SCG3: variants seen among roughly 807,000 people sequenced by gnomAD.
The protein encoded by SCG3 is secretogranin III.
In SCG3, 38 loss-of-function variants were observed where a neutral mutation model predicts 56.2. That is an observed-to-expected ratio of 0.68 (90% CI 0.52 to 0.89). The LOEUF is 0.89. Among genes scored for constraint, SCG3 ranks in the 40% least tolerant of loss-of-function variants. The probability of loss-of-function intolerance (pLI) is 0.00; values close to 1 mark genes in which losing one functional copy is unlikely to be tolerated. For missense variants in SCG3, 524 were observed against 540.7 expected, an observed-to-expected ratio of 0.97 and a Z score of 0.31; for synonymous variants, 176 against 184.2, an observed-to-expected ratio of 0.96 and a Z score of 0.36.
intron 10 of SCG3, among the ~76,000 whole-genome samples, chr15:51,703,623 C>T (rs1248958548): frequency 1.3e-5 from 2 of 152,176 alleles, no homozygotes; most frequent in Non-Finnish European, 2.9e-5. Flanking sequence ...GAAGTCAATT[C>T]TCCTTCAAGG....
At chr15:51,706,084 G>C (rs746616697) in intron 10 of SCG3, among the ~76,000 whole-genome samples, 1 of 152,156 alleles carries the variant, frequency 6.6e-6, no homozygotes, top group Non-Finnish European at 1.5e-5. Flanking sequence ...CTTTGTGTTC[G>C]CAGTTGTTTC....
chr15:51,711,232 A>C (rs908321438), intron 10 of SCG3, among the ~76,000 whole-genome samples: 1 of 152,226 alleles, frequency 6.6e-6, no homozygotes, highest in African/African-American at 2.4e-5. Flanking sequence ...GAGAGTGGGT[A>C]ATGTTTGCCC....
At position 51,720,826 on chromosome 15, in the gene SCG3, T is replaced by G. The variant is rs141926669; in HGVS notation, c.*1300T>G. 7,426 of 181,818 alleles carry G rather than the reference T, an allele frequency of 0.041. 191 individuals carry two copies. Among genetic ancestry groups the G allele is most frequent in the African/African-American group, 0.051 (2,134 of 41,836 alleles). 11.3% of individuals were successfully genotyped at this position (181,818 alleles called of 1,614,324 possible). On this transcript the variant is annotated 3_prime_UTR_variant, in exon 12 of 12. Coordinates refer to ENST00000220478, the MANE Select transcript of SCG3 (RefSeq NM_013243.4). ...ATCAGCACTCTGTAAAATGCACCAATCAGCAGGATTCTAAAAGTAGACAAT... is the reference window on the plus strand; with the variant it reads ...ATCAGCACTCTGTAAAATGCACCAAGCAGCAGGATTCTAAAAGTAGACAAT...
intron 11 of SCG3, among the ~76,000 whole-genome samples, chr15:51,718,697 AT>A (rs1293388992): frequency 6.6e-6 from 1 of 152,108 alleles, no homozygotes; most frequent in African/African-American, 2.4e-5. Context: ...GGAAATCTTT[AT>A]TTTTGGTGGG....
chr15:51,716,373 C>G (rs2055455939), intron 11 of SCG3, among the ~76,000 whole-genome samples: 1 of 152,208 alleles, frequency 6.6e-6, no homozygotes, highest in Non-Finnish European at 1.5e-5. Context: ...GCTTCGTTCT[C>G]TACTTCGTGC....
chr15:51,719,334 A>T, intron 11 of SCG3, 74 bp from the exon 12 acceptor site: 2 of 964,906 alleles, frequency 2.1e-6, no homozygotes, highest in South Asian at 1.4e-5. Flanking sequence ...AATGCTTCTC[A>T]GTTAATGGTA....
At chr15:51,694,160 A>G (rs949230563) in intron 7 of SCG3, among the ~76,000 whole-genome samples, 8 of 152,138 alleles carry the variant, frequency 5.3e-5, no homozygotes, top group African/African-American at 1.9e-4. Flanking sequence ...TTAAATATTT[A>G]TACTGAGTTC....
intron 8 of SCG3, among the ~76,000 whole-genome samples, chr15:51,698,210 A>G (rs1234818990): frequency 1.3e-5 from 2 of 152,258 alleles, no homozygotes; most frequent in Non-Finnish European, 2.9e-5. Context: ...CTTACAAACT[A>G]ACTGCAAAGA....
intron 10 of SCG3, among the ~76,000 whole-genome samples, chr15:51,704,895 C>T (rs2055365286): frequency 1.3e-5 from 2 of 150,188 alleles, no homozygotes; most frequent in African/African-American, 4.9e-5. Context: ...TTTTGAGGAA[C>T]CACCATACTG....
chr15:51,683,368 A>T lies in SCG3; in HGVS notation c.331A>T (p.Thr111Ser). The change falls in exon 4 of 12, where the codon ACC (threonine) becomes TCC (serine). Residue 111 changes from threonine (T) to serine (S), a missense_variant. Thr to Ser is a moderately conservative substitution (Grantham distance 58). Coordinates refer to ENST00000220478, the MANE Select transcript of SCG3 (RefSeq NM_013243.4). ...GTTGAATGTGGAAGATGTTGATTCA[A>T]CCAAGAATCGAAAACTGATCGATGA... is the stretch of plus-strand genomic sequence containing the variant. Reference protein sequence around the residue: ...NKLNVEDVDSTKNRKLIDDYD... With the variant: ...NKLNVEDVDSSKNRKLIDDYD... The T allele has an allele frequency of 6.2e-7, 1 of 1,613,860 alleles. No homozygotes were observed. Among genetic ancestry groups the T allele is most frequent in the Non-Finnish European group, 8.5e-7 (1 of 1,179,800 alleles).
At chr15:51,716,250 T>A (rs757715897) in intron 11 of SCG3, among the ~76,000 whole-genome samples, 2 of 152,230 alleles carry the variant, frequency 1.3e-5, no homozygotes, top group Non-Finnish European at 2.9e-5. Flanking sequence ...CAGCCTATTC[T>A]GCAGAGGCAG....
At chr15:51,688,491 G>A in intron 5 of SCG3, 89 bp downstream of exon 5, 1 of 1,194,772 alleles carries the variant, frequency 8.4e-7, no homozygotes, top group Non-Finnish European at 1.2e-6. Context: ...GTAGCCAAGT[G>A]TTTATAATGT....
intron 11 of SCG3, among the ~76,000 whole-genome samples, chr15:51,718,199 T>TAGATAGAC (rs371911245): frequency 4.7e-5 from 7 of 149,008 alleles, no homozygotes; most frequent in South Asian, 4.3e-4. Flanking sequence ...GATAGATAGA[T>TAGATAGAC]AGACAGACAG....
Position 51,683,384 on chromosome 15 carries a change from T to G in SCG3, c.347T>G (p.Leu116Arg). The G allele has an allele frequency of 6.2e-7, 1 of 1,613,718 alleles. No homozygotes were observed. The highest frequency in any genetic ancestry group is 2.2e-5 in the East Asian group (1 of 44,824). The change falls in exon 4 of 12, where the codon CTG becomes CGG. Residue 116 changes from leucine to arginine, a missense_variant. Leu to Arg is a moderately radical substitution (Grantham distance 102, BLOSUM62 -2). Coordinates refer to ENST00000220478, the MANE Select transcript of SCG3 (RefSeq NM_013243.4). Reference sequence around the variant, plus strand: ...GTTGATTCAACCAAGAATCGAAAACTGATCGATGATTATGACTCTACTAAG... The same window carrying G: ...GTTGATTCAACCAAGAATCGAAAACGGATCGATGATTATGACTCTACTAAG... The part of the protein sequence containing the change: ...EDVDSTKNRK[L>R]IDDYDSTKSG...
intron 7 of SCG3, among the ~76,000 whole-genome samples, chr15:51,695,327 C>T (rs1342546134): frequency 2.0e-5 from 3 of 152,134 alleles, no homozygotes; most frequent in African/African-American, 7.2e-5. Flanking sequence ...AGACTTACCA[C>T]CTGAGTAGAG....
intron 10 of SCG3, among the ~76,000 whole-genome samples, chr15:51,709,639 A>G (rs2055399068): frequency 7.5e-6 from 1 of 132,622 alleles, no homozygotes; most frequent in Non-Finnish European, 1.6e-5. Context: ...TCACTAAAAA[A>G]AAAGGCAGAG....
chr15:51,703,096 G>T (rs918725196), intron 10 of SCG3, among the ~76,000 whole-genome samples: 1 of 152,100 alleles, frequency 6.6e-6, no homozygotes, highest in African/African-American at 2.4e-5. Context: ...ATTTTCATTG[G>T]TTATGTATAA....
At chr15:51,692,393 A>T in intron 7 of SCG3, 57 bp downstream of exon 7, 1 of 1,466,498 alleles carries the variant, frequency 6.8e-7, no homozygotes, top group Non-Finnish European at 9.4e-7. Flanking sequence ...CAGGAAATGT[A>T]TGGGTGTGTT....
At chr15:51,707,248 C>A (rs2055382078) in intron 10 of SCG3, among the ~76,000 whole-genome samples, 1 of 152,138 alleles carries the variant, frequency 6.6e-6, no homozygotes, top group Non-Finnish European at 1.5e-5. Context: ...AGATAACTTT[C>A]ACTTAAATAT....
Sources: gnomAD v4.1 joint callset for allele counts (sites outside exome capture counted in the v4.1 genomes callset) on GRCh38, gnomAD v4.1.1 for gene constraint, MANE v1.5 for transcripts, NCBI Gene and HGNC (gene_info 2026-07-23, HGNC 2026-07-21) for gene names.